The following MAD1L1 variants were observed in gnomAD, a reference collection of about 807,000 sequenced individuals.
MAD1L1 encodes mitotic arrest deficient 1 like 1, also known as mitotic spindle assembly checkpoint protein MAD1.
A neutral mutation model predicts 96.9 loss-of-function variants in MAD1L1; 95 were observed. The ratio of observed to expected loss-of-function variants is 0.98; its 90% CI spans 0.83 to 1.16. MAD1L1 has a LOEUF of 1.16. Among genes scored for constraint, MAD1L1 ranks in the 50% most tolerant of loss-of-function variants. MAD1L1 has a pLI of 0.00. For synonymous variants in MAD1L1, 473 were observed against 396.6 expected, an observed-to-expected ratio of 1.19 and a Z score of -2.29; for missense variants, 1,007 against 954.4, an observed-to-expected ratio of 1.06 and a Z score of -0.73.
chr7:2,111,947 A>G (rs1787404412), intron 11 of MAD1L1, among the ~76,000 whole-genome samples: 1 of 152,248 alleles, frequency 6.6e-6, no homozygotes, highest in Admixed American at 6.5e-5. Context: ...TAGATCATAC[A>G]AAGCCAACAT....
intron 14 of MAD1L1, among the ~76,000 whole-genome samples, chr7:1,987,389 G>A (rs916742083): frequency 6.6e-6 from 1 of 152,214 alleles, no homozygotes; most frequent in Non-Finnish European, 1.5e-5. Context: ...TCCCAGGCAC[G>A]TCCAGCGTGT....
At chr7:2,196,526 T>C (rs1791993266) in intron 10 of MAD1L1, among the ~76,000 whole-genome samples, 1 of 152,254 alleles carries the variant, frequency 6.6e-6, no homozygotes, top group African/African-American at 2.4e-5. Context: ...TGTCTGTGTG[T>C]GTGCACTACG....
At chr7:2,018,739 ACCCATCTT>A (rs2128500116) in intron 12 of MAD1L1, among the ~76,000 whole-genome samples, 1 of 151,806 alleles carries the variant, frequency 6.6e-6, no homozygotes, top group South Asian at 2.1e-4. Flanking sequence ...GCAGCCCCTC[ACCCATCTT>A]CCTCCCTCAC....
At chr7:2,020,457 C>T (rs530117800) in intron 12 of MAD1L1, among the ~76,000 whole-genome samples, 1 of 152,258 alleles carries the variant, frequency 6.6e-6, no homozygotes, top group African/African-American at 2.4e-5. Flanking sequence ...ACGCCATGGG[C>T]ACACGGCAGC....
intron 4 of MAD1L1, among the ~76,000 whole-genome samples, chr7:2,223,797 C>T (rs1295738210): frequency 6.6e-6 from 1 of 152,210 alleles, no homozygotes; most frequent in African/African-American, 2.4e-5. Flanking sequence ...AGTCCCAGCG[C>T]AGACAGGGCA....
At chr7:2,161,516 C>T (rs1790123109) in intron 10 of MAD1L1, among the ~76,000 whole-genome samples, 2 of 152,136 alleles carry the variant, frequency 1.3e-5, no homozygotes, top group Non-Finnish European at 2.9e-5. Flanking sequence ...CAGCCTCTGC[C>T]CAGCCGCCAC....
chr7:2,139,991 G>C (rs371234580), intron 11 of MAD1L1, among the ~76,000 whole-genome samples: 2,316 of 123,954 alleles, frequency 0.019, 46 homozygotes, highest in African/African-American at 0.053. Context: ...TCTGGACCCC[G>C]CCCCCCCCCA....
intron 18 of MAD1L1, among the ~76,000 whole-genome samples, chr7:1,883,517 A>G (rs1481062119): frequency 1.3e-5 from 2 of 152,206 alleles, no homozygotes; most frequent in Non-Finnish European, 2.9e-5. Context: ...TGCTGCCTGA[A>G]GGCCAAGCTC....
intron 18 of MAD1L1, among the ~76,000 whole-genome samples, chr7:1,825,414 G>A (rs1304753771): frequency 3.3e-5 from 5 of 152,262 alleles, no homozygotes; most frequent in Admixed American, 6.5e-5. Context: ...GACGCCAGGC[G>A]TGGGTCACAG....
intron 16 of MAD1L1, among the ~76,000 whole-genome samples, chr7:1,952,550 G>A (rs986700238): frequency 6.7e-6 from 1 of 150,132 alleles, no homozygotes; most frequent in African/African-American, 2.4e-5. Context: ...GGCCCCCGCT[G>A]TGCCCTGGCT....
At chr7:1,980,621 G>T in intron 14 of MAD1L1, 80 bp from the exon 15 acceptor site, 1 of 1,149,948 alleles carries the variant, frequency 8.7e-7, no homozygotes, top group South Asian at 1.3e-5. Context: ...AGGCCCCTGA[G>T]ACCACCCCTG....
intron 4 of MAD1L1, among the ~76,000 whole-genome samples, chr7:2,225,038 C>G (rs1378862194): frequency 6.6e-6 from 1 of 152,232 alleles, no homozygotes; most frequent in Non-Finnish European, 1.5e-5. Context: ...TCTGTGCCAG[C>G]ACCGCAGCCT....
At chr7:1,942,915 T>C (rs532448292) in intron 16 of MAD1L1, among the ~76,000 whole-genome samples, 10 of 152,166 alleles carry the variant, frequency 6.6e-5, no homozygotes, top group African/African-American at 2.4e-4. Context: ...GATGGTGTGG[T>C]GTGGGCATGA....
intron 12 of MAD1L1, among the ~76,000 whole-genome samples, chr7:2,060,251 G>A (rs920645973): frequency 2.0e-4 from 30 of 148,070 alleles, no homozygotes; most frequent in Admixed American, 1.7e-3. Flanking sequence ...GCCGAGATAC[G>A]CCGATGCCGA....
chr7:1,839,423 G>C (rs1783120937), intron 18 of MAD1L1, among the ~76,000 whole-genome samples: 1 of 151,794 alleles, frequency 6.6e-6, no homozygotes, highest in African/African-American at 2.4e-5. Context: ...CCTGGGGAGT[G>C]CTTGGCTCTC....
intron 17 of MAD1L1, among the ~76,000 whole-genome samples, chr7:1,905,757 G>C (rs1031894047): frequency 6.6e-6 from 1 of 152,156 alleles, no homozygotes; most frequent in Non-Finnish European, 1.5e-5. Context: ...ATGATTTTAA[G>C]AGGAACCTGG....
chr7:2,155,408 C>G (rs1249335652), intron 10 of MAD1L1, among the ~76,000 whole-genome samples: 4 of 152,232 alleles, frequency 2.6e-5, no homozygotes, highest in African/African-American at 9.6e-5. Context: ...CAGCACCACA[C>G]CTATCCCCAG....
chr7:1,963,670 G>A (rs1562565990), intron 15 of MAD1L1, among the ~76,000 whole-genome samples: 1 of 152,226 alleles, frequency 6.6e-6, no homozygotes, highest in Non-Finnish European at 1.5e-5. Context: ...CATGCTTCCG[G>A]AGGCGAGGCT....
intron 10 of MAD1L1, among the ~76,000 whole-genome samples, chr7:2,172,600 C>T (rs1447603363): frequency 1.3e-5 from 2 of 152,254 alleles, no homozygotes; most frequent in African/African-American, 4.8e-5. Flanking sequence ...CGCAGCCACT[C>T]GCCACCTTGG....
Sources: gnomAD v4.1 joint callset for allele counts (sites outside exome capture counted in the v4.1 genomes callset) on GRCh38, gnomAD v4.1.1 for gene constraint, MANE v1.5 for transcripts, NCBI Gene and HGNC (gene_info 2026-07-23, HGNC 2026-07-21) for gene names.